COL23A1: variants seen among roughly 807,000 people sequenced by gnomAD.
The protein encoded by COL23A1 is collagen alpha-1(XXIII) chain.
A neutral mutation model predicts 99.3 loss-of-function variants in COL23A1; 97 were observed. The observed-to-expected ratio is 0.98, with a 90% CI of 0.83 to 1.16. The LOEUF (loss-of-function observed/expected upper bound fraction) is 1.16. Ranked by LOEUF, COL23A1 falls within the 50% of genes most tolerant of loss-of-function variation. The pLI is 0.00. For synonymous variants in COL23A1, 320 were observed against 308.2 expected, an observed-to-expected ratio of 1.04 and a Z score of -0.40; for missense variants, 762 against 757.4, an observed-to-expected ratio of 1.01 and a Z score of -0.07.
At chr5:178,429,201 C>A (rs577668323) in intron 2 of COL23A1, among the ~76,000 whole-genome samples, 2 of 152,138 alleles carry the variant, frequency 1.3e-5, no homozygotes, top group South Asian at 2.1e-4. Flanking sequence ...GCATGCGCCT[C>A]GGGAAAGGCC....
chr5:178,400,799 G>A (rs987939038), intron 2 of COL23A1, among the ~76,000 whole-genome samples: 28 of 152,156 alleles, frequency 1.8e-4, no homozygotes, highest in Admixed American at 3.3e-4. Flanking sequence ...CACTACGCCC[G>A]GCTAATTTTT....
intron 2 of COL23A1, among the ~76,000 whole-genome samples, chr5:178,403,141 A>AAAAAAAAAAAAAAAAC (rs1764563029): frequency 1.4e-5 from 2 of 146,240 alleles, no homozygotes; most frequent in Non-Finnish European, 3.0e-5. Context: ...TAAAAAATAA[A>AAAAAAAAAAAAAAAAC]TACCATTTAC....
chr5:178,381,280 G>A (rs1341629420), intron 2 of COL23A1, among the ~76,000 whole-genome samples: 1 of 152,220 alleles, frequency 6.6e-6, no homozygotes, highest in Admixed American at 6.5e-5. Flanking sequence ...ATGTAGGGAA[G>A]TGTGGAAGCT....
intron 2 of COL23A1, among the ~76,000 whole-genome samples, chr5:178,413,682 T>C (rs1765161848): frequency 6.6e-6 from 1 of 152,234 alleles, no homozygotes; most frequent in Admixed American, 6.5e-5. Context: ...ACAGGCTGCA[T>C]GATTGCTCTT....
Position 178,267,191 on chromosome 5 carries a change from G to T in COL23A1, c.522+116C>A, listed in dbSNP as rs1264468226. Reference sequence around the variant, plus strand: ...CTATGGGTGGGGAAGAGCCCTCTTGGCCTCTTTCTGTGATGAGCTGCGGGG... The same window carrying T: ...CTATGGGTGGGGAAGAGCCCTCTTGTCCTCTTTCTGTGATGAGCTGCGGGG... On this transcript the variant is annotated intron_variant, in intron 8 of 28. Transcript: ENST00000390654. 4 of 1,163,460 alleles carry T rather than the reference G, an allele frequency of 3.4e-6. No individual in the cohort carries two copies. In the African/African-American group the frequency reaches 4.5e-5, roughly 13 times the overall value. The allele number at this position is 1,163,460 out of a possible 1,614,324, so 72.1% of individuals were successfully genotyped here.
chr5:178,294,863 CGT>C (rs1757658442), intron 3 of COL23A1, among the ~76,000 whole-genome samples: 1 of 152,140 alleles, frequency 6.6e-6, no homozygotes, highest in African/African-American at 2.4e-5. Context: ...CAACCTAGGC[CGT>C]GTGCGGTGGC....
Position 178,278,166 on chromosome 5 carries a change from G to A in COL23A1, c.442-7803C>T, listed in dbSNP as rs563697354. Among the ~76,000 whole-genome samples, 172 of 152,348 alleles carry A rather than the reference G, an allele frequency of 1.1e-3. 2 individuals carry two copies. The South Asian group carries it at 0.019, about 17-fold the overall frequency. On this transcript the variant is annotated intron_variant, in intron 5 of 28. Transcript: ENST00000390654. ...ACGAGGCAGTCTAGAGGGAGACAGC[G>A]TGACCAGGACAGCTCGCAGCACACA... is the stretch of plus-strand genomic sequence containing the variant.
At chr5:178,455,476 G>T (rs1364341573) in intron 2 of COL23A1, among the ~76,000 whole-genome samples, 1 of 152,142 alleles carries the variant, frequency 6.6e-6, no homozygotes, top group African/African-American at 2.4e-5. Flanking sequence ...TGTAAAGAGA[G>T]TAATAACAAC....
intron 27 of COL23A1, among the ~76,000 whole-genome samples, chr5:178,240,346 G>A (rs58593479): frequency 0.055 from 8,305 of 151,874 alleles, 690 homozygotes; most frequent in African/African-American, 0.19. Flanking sequence ...GGGGAGGGGG[G>A]CAGAATGGAA....
chr5:178,500,424 CAAAAAAAA>C (rs770679841), intron 2 of COL23A1, among the ~76,000 whole-genome samples: 1 of 65,696 alleles, frequency 1.5e-5, no homozygotes, highest in African/African-American at 5.6e-5. Flanking sequence ...CCCATCTCTA[CAAAAAAAA>C]AAAAAAAAAA....
intron 2 of COL23A1, among the ~76,000 whole-genome samples, chr5:178,378,644 G>C (rs1197962604): frequency 6.6e-6 from 1 of 152,224 alleles, no homozygotes; most frequent in Non-Finnish European, 1.5e-5. Flanking sequence ...GATGGGATGT[G>C]GGGTGGGGCC....
chr5:178,449,929 C>T (rs1274234287), intron 2 of COL23A1, among the ~76,000 whole-genome samples: 2 of 152,054 alleles, frequency 1.3e-5, no homozygotes, highest in African/African-American at 4.8e-5. Context: ...GTATACCCGG[C>T]GCAGAAGAAC....
rs908265586 is a variant in COL23A1, at chr5:178,280,766, C to T, written c.441+7558G>A. Reference sequence around the variant, plus strand: ...CCAACCCCCTCTGCTGGGCCCCCTACACTGCTGTCCCTGCTAAGTCTCCTC... The same window carrying T: ...CCAACCCCCTCTGCTGGGCCCCCTATACTGCTGTCCCTGCTAAGTCTCCTC... On this transcript the variant is annotated intron_variant, in intron 5 of 28. Coordinates refer to ENST00000390654, the MANE Select transcript of COL23A1 (RefSeq NM_173465.4). The surrounding 1 kb of genome is among the most constrained non-coding windows in gnomAD (Gnocchi z 4.9). Among the ~76,000 whole-genome samples, 10 of 152,288 alleles carry T rather than the reference C, an allele frequency of 6.6e-5. No homozygotes were observed. Among genetic ancestry groups the T allele is most frequent in the Middle Eastern group, 6.8e-3 (2 of 294 alleles).
At chr5:178,377,131 C>A (rs1763112212) in intron 2 of COL23A1, among the ~76,000 whole-genome samples, 2 of 152,190 alleles carry the variant, frequency 1.3e-5, no homozygotes, top group South Asian at 4.1e-4. Context: ...GCGGGCCACG[C>A]ACAGGAAAGC....
chr5:178,253,592 C>T (rs1167001835), intron 16 of COL23A1, among the ~76,000 whole-genome samples: 3 of 151,958 alleles, frequency 2.0e-5, no homozygotes, highest in African/African-American at 4.8e-5. Flanking sequence ...AAGTGATTCT[C>T]CTGCCTCAGC....
At chr5:178,420,834 G>A (rs1344694437) in intron 2 of COL23A1, among the ~76,000 whole-genome samples, 1 of 151,100 alleles carries the variant, frequency 6.6e-6, no homozygotes, top group East Asian at 2.0e-4. Flanking sequence ...TGCCCATCCT[G>A]CGGGGAGGGC....
rs1332226281 is a variant in COL23A1 at position 178,306,898 on chromosome 5, T to C, written c.383A>G (p.Lys128Arg). 1.3e-6 allele frequency: 2 copies of C among 1,548,300 alleles called. No individual in the cohort carries two copies. The highest frequency in any genetic ancestry group is 1.7e-6 in the Non-Finnish European group (2 of 1,147,192). Residue 128 changes from lysine to arginine, a missense_variant, in exon 3 of 29, where the codon AAG becomes AGG. Transcript: ENST00000390654. This position sits in a 1 kb window ranked among gnomAD's most constrained non-coding sequence, Gnocchi z 4.1. ...ACCAGGGTCGCCTCTTCTCCCAGGC[T>C]TGCCGCGCCGTCCAGGGGGCCCTAG... ...CPPGPPGRRGKPGRRGDPGPP... is the reference protein window; with the variant it reads ...CPPGPPGRRGRPGRRGDPGPP...
intron 3 of COL23A1, among the ~76,000 whole-genome samples, chr5:178,291,516 C>T (rs2973776): frequency 0.77 from 116,601 of 152,084 alleles, 45,227 homozygotes; most frequent in Non-Finnish European, 0.84. Flanking sequence ...GCCAAGATCA[C>T]GGGCTTTTGA....
At chr5:178,362,719 A>G (rs1384172096) in intron 2 of COL23A1, among the ~76,000 whole-genome samples, 1 of 152,162 alleles carries the variant, frequency 6.6e-6, no homozygotes, top group Admixed American at 6.5e-5. Flanking sequence ...CTGCAGCTGC[A>G]AGAAAGGAGT....
Sources: gnomAD v4.1 joint callset for allele counts (sites outside exome capture counted in the v4.1 genomes callset) on GRCh38, gnomAD v4.1.1 for gene constraint, Gnocchi (gnomAD v3.1) non-coding constraint, MANE v1.5 for transcripts, NCBI Gene and HGNC (gene_info 2026-07-23, HGNC 2026-07-21) for gene names.